Variants in PRKN observed in about 807,000 individuals in gnomAD.
The protein encoded by PRKN is parkin RBR E3 ubiquitin protein ligase.
Under a neutral mutation model 59.5 loss-of-function variants are expected in PRKN, and 56 were observed. The observed-to-expected ratio is 0.94, with a 90% confidence interval of 0.76 to 1.18. The LOEUF (loss-of-function observed/expected upper bound fraction) is 1.18. PRKN is among the 50% of genes most tolerant of loss of function. The pLI, the probability that PRKN is intolerant of heterozygous loss-of-function variation, is 0.00. For missense variants in PRKN, 657 were observed against 596.4 expected (o/e 1.10, Z -1.06); for synonymous variants, 250 against 222.1 (o/e 1.13, Z -1.12).
In PRKN at chr6:161,680,726, CATATATATATATATAT is replaced by C. The variant is rs56954052; in HGVS notation, c.871+105030_871+105045del. ...TGGGCTCTGAAAACATCCTGAAATACATATATATATATATATATATATATATATATATATATATATA... is the reference window on the plus strand; with the variant it reads ...TGGGCTCTGAAAACATCCTGAAATACATATATATATATATATATATATATA... On this transcript the variant is annotated intron_variant, in intron 7 of 11. Transcript: ENST00000366898. Among the ~76,000 whole-genome samples, 71 of 51,016 alleles carry C rather than the reference CATATATATATATATAT, an allele frequency of 1.4e-3. 1 individual carries two copies. Among genetic ancestry groups the C allele is most frequent in the African/African-American group, 7.4e-3 (58 of 7,812 alleles). 33.5% of individuals were successfully genotyped at this position (51,016 alleles called of 152,430 possible). A position where few individuals can be genotyped will look rare whatever the true frequency, so the allele number is the denominator to read the frequency against.
At chr6:162,010,571 ATAATG>A (rs1165220794) in intron 5 of PRKN, among the ~76,000 whole-genome samples, 1 of 15,764 alleles carries the variant, frequency 6.3e-5, no homozygotes, top group South Asian at 2.3e-3. Flanking sequence ...AATATATTAT[ATAATG>A]TATTATATTA....
At chr6:161,721,861 TCA>T (rs1408579968) in intron 7 of PRKN, among the ~76,000 whole-genome samples, 1 of 152,208 alleles carries the variant, frequency 6.6e-6, no homozygotes, top group Admixed American at 6.5e-5. Flanking sequence ...CATGTGAATC[TCA>T]GTTTTTACAG....
At position 161,369,656 on chromosome 6, in the gene PRKN, CATGT is replaced by C. The variant is rs1785360009; in HGVS notation, c.1168-9455_1168-9452del. 4.6e-5 allele frequency among the ~76,000 whole-genome samples: 7 copies of C among 152,166 alleles called. No homozygotes were observed. In the South Asian group the frequency reaches 1.5e-3, roughly 32 times the overall value. On this transcript the variant is annotated intron_variant, in intron 10 of 11. Transcript: ENST00000366898. This position sits in a 1 kb window ranked among gnomAD's most constrained non-coding sequence, Gnocchi z 5.8. Reference sequence around the variant, plus strand: ...CGTGGCAGGAGGAATTGCATGCATGCATGTGTGTACGCACGCGTGGTGGAGGTGG... The same window carrying C: ...CGTGGCAGGAGGAATTGCATGCATGCGTGTACGCACGCGTGGTGGAGGTGG...
At chr6:161,811,877 G>A (rs550681719) in intron 6 of PRKN, among the ~76,000 whole-genome samples, 94 of 151,816 alleles carry the variant, frequency 6.2e-4, no homozygotes, top group South Asian at 4.2e-4. Flanking sequence ...AGTTGAGATC[G>A]TGTCTTTGCA....
chr6:162,222,513 A>G (rs1777981158), intron 3 of PRKN, among the ~76,000 whole-genome samples: 2 of 152,180 alleles, frequency 1.3e-5, no homozygotes. Flanking sequence ...AGCCAGCAAG[A>G]AAGCTAGGAC....
chr6:162,015,399 T>C (rs1480909649), intron 5 of PRKN, among the ~76,000 whole-genome samples: 4 of 152,168 alleles, frequency 2.6e-5, no homozygotes, highest in Non-Finnish European at 5.9e-5. Flanking sequence ...CAAAGGTAAC[T>C]GCAAAGGGAA....
chr6:161,409,482 G>A lies in PRKN; in HGVS notation c.1084-22605C>T, dbSNP rs1787427152. Among the ~76,000 whole-genome samples the A allele has an allele frequency of 6.6e-6, 1 of 151,256 alleles. No homozygotes were observed. Among genetic ancestry groups the A allele is most frequent in the Non-Finnish European group, 1.5e-5 (1 of 68,042 alleles). ...TGCGGAAGGACCCAGTCTTTCCAGA[G>A]TGCCCCTTTCTCAGGACATAGACAA... On this transcript the variant is annotated intron_variant, in intron 9 of 11. Coordinates refer to ENST00000366898, the MANE Select transcript of PRKN (RefSeq NM_004562.3). The surrounding 1 kb of genome is among the most constrained non-coding windows in gnomAD (Gnocchi z 4.6).
intron 1 of PRKN, among the ~76,000 whole-genome samples, chr6:162,718,161 T>C (rs1232175080): frequency 6.6e-6 from 1 of 151,138 alleles, no homozygotes; most frequent in African/African-American, 2.4e-5. Flanking sequence ...TTGTCCATCT[T>C]AGATCACTTA....
chr6:162,168,524 C>G (rs1045458861), intron 4 of PRKN, among the ~76,000 whole-genome samples: 1 of 122,800 alleles, frequency 8.1e-6, no homozygotes, highest in Non-Finnish European at 1.6e-5. Flanking sequence ...AAGGCAAACC[C>G]AGGCTTTCAT....
intron 6 of PRKN, among the ~76,000 whole-genome samples, chr6:161,844,745 G>T (rs1330514113): frequency 1.3e-5 from 2 of 152,178 alleles, no homozygotes; most frequent in East Asian, 1.9e-4. Context: ...AACAGAAGGG[G>T]GTATAAGGCA....
intron 7 of PRKN, among the ~76,000 whole-genome samples, chr6:161,720,544 T>TCAC (rs1183517519): frequency 6.6e-6 from 1 of 151,986 alleles, no homozygotes; most frequent in Non-Finnish European, 1.5e-5. Context: ...CAGAAGAAAG[T>TCAC]CACCCCCTGC....
intron 6 of PRKN, among the ~76,000 whole-genome samples, chr6:161,970,346 A>C (rs1780753017): frequency 6.6e-6 from 1 of 151,616 alleles, no homozygotes; most frequent in South Asian, 2.1e-4. Context: ...CATGCCTGGC[A>C]CAGAGAAAAT....
chr6:161,619,966 T>C (rs947275654), intron 7 of PRKN, among the ~76,000 whole-genome samples: 5 of 149,850 alleles, frequency 3.3e-5, no homozygotes, highest in African/African-American at 9.8e-5. Flanking sequence ...AATTGTATAA[T>C]TGGTACACAT....
chr6:162,171,095 C>T (rs1783249805), intron 4 of PRKN, among the ~76,000 whole-genome samples: 1 of 151,678 alleles, frequency 6.6e-6, no homozygotes, highest in African/African-American at 2.4e-5. Flanking sequence ...TGGGATACTG[C>T]GGTTGAATAG....
At chr6:161,773,094 G>A (rs547954635) in intron 7 of PRKN, among the ~76,000 whole-genome samples, 49 of 152,272 alleles carry the variant, frequency 3.2e-4, no homozygotes, top group Admixed American at 2.8e-3. Context: ...CAGAGGAAGC[G>A]GCTATGGAGG....
intron 7 of PRKN, among the ~76,000 whole-genome samples, chr6:161,670,816 AAAAC>A (rs56922951): frequency 6.7e-5 from 10 of 150,206 alleles, no homozygotes; most frequent in East Asian, 2.0e-4. Flanking sequence ...CTCTGTCTCA[AAAAC>A]AAACAAACAA....
rs1562622877 is a variant in PRKN, at chr6:162,262,585, C to G, written c.352G>C (p.Gly118Arg). Residue 118 changes from glycine (G) to arginine (R), a missense_variant, in exon 3 of 12, where the codon GGG becomes CGG. Physicochemically the swap from Gly to Arg is moderately radical, Grantham distance 125. Transcript: ENST00000366898. ...SSSVLPGDSVGLAVILHTDSR... is the reference protein window; with the variant it reads ...SSSVLPGDSVRLAVILHTDSR... ...TCAGTGTGCAGAATGACAGCCAGCC[C>G]CACAGAGTCTCCTGGGAGGACTGAG... 2 of 1,613,174 alleles carry G rather than the reference C, an allele frequency of 1.2e-6. No homozygotes were observed. Among genetic ancestry groups the G allele is most frequent in the Admixed American group, 3.3e-5 (2 of 60,000 alleles).
chr6:162,669,779 C>A (rs943194125), intron 1 of PRKN, among the ~76,000 whole-genome samples: 1 of 152,126 alleles, frequency 6.6e-6, no homozygotes, highest in Non-Finnish European at 1.5e-5. Context: ...CCTAAATATT[C>A]CAAGGACTGG....
At chr6:161,932,429 T>C (rs756509507) in intron 6 of PRKN, among the ~76,000 whole-genome samples, 3 of 152,202 alleles carry the variant, frequency 2.0e-5, no homozygotes, top group Non-Finnish European at 2.9e-5. Context: ...AGTTAAAACC[T>C]TGAAGTAATA....
Sources: gnomAD v4.1 joint callset for allele counts (sites outside exome capture counted in the v4.1 genomes callset) on GRCh38, gnomAD v4.1.1 for gene constraint, Gnocchi (gnomAD v3.1) non-coding constraint, MANE v1.5 for transcripts, NCBI Gene and HGNC (gene_info 2026-07-23, HGNC 2026-07-21) for gene names.